The following CSMD1 variants were observed in gnomAD, a reference collection of about 807,000 sequenced individuals.
CSMD1 encodes the protein CUB and sushi domain-containing protein 1.
In CSMD1, 213 loss-of-function variants were observed where a neutral mutation model predicts 417.5. The observed-to-expected ratio is 0.51, with a 90% CI of 0.46 to 0.57. The LOEUF (loss-of-function observed/expected upper bound fraction) is 0.57, where lower values mean the gene tolerates loss of function less well. CSMD1 is among the 20% of genes least tolerant of loss of function. CSMD1 has a pLI of 0.00. For missense variants in CSMD1, 6,923 were observed against 4,529.7 expected, an observed-to-expected ratio of 1.53 and a Z score of -15.17; for synonymous variants, 2,862 against 1,736.8, an observed-to-expected ratio of 1.65 and a Z score of -16.11.
intron 3 of CSMD1, among the ~76,000 whole-genome samples, chr8:4,255,800 G>C (rs1360937999): frequency 6.6e-6 from 1 of 152,140 alleles, no homozygotes; most frequent in East Asian, 1.9e-4. Flanking sequence ...CCATTCCATG[G>C]CCTCCTCTGG....
intron 26 of CSMD1, among the ~76,000 whole-genome samples, chr8:3,256,545 C>G (rs374053394): frequency 4.6e-5 from 7 of 152,072 alleles, no homozygotes; most frequent in African/African-American, 1.7e-4. Flanking sequence ...ACTAAAAAAG[C>G]TATAATCTTG....
chr8:3,143,740 TAGATG>T (rs1818659916), intron 40 of CSMD1, among the ~76,000 whole-genome samples: 1 of 152,208 alleles, frequency 6.6e-6, no homozygotes, highest in Non-Finnish European at 1.5e-5. Flanking sequence ...CTGTTTTTGA[TAGATG>T]AGAACTTTAA....
intron 5 of CSMD1, among the ~76,000 whole-genome samples, chr8:3,939,416 T>C (rs956552278): frequency 3.9e-5 from 6 of 152,142 alleles, no homozygotes; most frequent in African/African-American, 1.4e-4. Context: ...CTGGTGTGTG[T>C]ATAAACTACT....
At chr8:4,499,559 T>C (rs990106388) in intron 2 of CSMD1, among the ~76,000 whole-genome samples, 2 of 152,208 alleles carry the variant, frequency 1.3e-5, no homozygotes, top group Non-Finnish European at 1.5e-5. Context: ...CGATAACATA[T>C]AAGAGGGCAA....
At chr8:4,383,878 T>C (rs1413813863) in intron 3 of CSMD1, among the ~76,000 whole-genome samples, 2 of 152,148 alleles carry the variant, frequency 1.3e-5, no homozygotes, top group Non-Finnish European at 1.5e-5. Flanking sequence ...GAAGAAAATA[T>C]CTTAAAATAT....
chr8:3,723,234 C>T (rs4990836), intron 6 of CSMD1, among the ~76,000 whole-genome samples: 108,651 of 151,548 alleles, frequency 0.72, 39,578 homozygotes, highest in South Asian at 0.85. Context: ...CCTTGTGACC[C>T]ATCCATCAAC....
At chr8:4,406,064 T>A (rs982396330) in intron 3 of CSMD1, among the ~76,000 whole-genome samples, 2 of 152,218 alleles carry the variant, frequency 1.3e-5, no homozygotes, top group African/African-American at 4.8e-5. Context: ...CCAGCAACTT[T>A]ATTTTTGGTC....
chr8:4,467,710 T>TA (rs1800267371), intron 2 of CSMD1, among the ~76,000 whole-genome samples: 1 of 152,154 alleles, frequency 6.6e-6, no homozygotes, highest in Admixed American at 6.5e-5. Flanking sequence ...ATTATCTTTT[T>TA]AAAAAAATCT....
At chr8:4,722,379 T>C (rs1290194706) in intron 1 of CSMD1, among the ~76,000 whole-genome samples, 2 of 152,162 alleles carry the variant, frequency 1.3e-5, no homozygotes, top group Non-Finnish European at 2.9e-5. Context: ...TAACTAAATA[T>C]GGCTACTTCT....
At chr8:4,765,322 A>G (rs1812392268) in intron 1 of CSMD1, among the ~76,000 whole-genome samples, 1 of 152,184 alleles carries the variant, frequency 6.6e-6, no homozygotes, top group Non-Finnish European at 1.5e-5. Context: ...CCCTTCTGTG[A>G]CTGGGATCAT....
At chr8:4,401,347 C>A (rs544951225) in intron 3 of CSMD1, among the ~76,000 whole-genome samples, 1 of 152,140 alleles carries the variant, frequency 6.6e-6, no homozygotes, top group Non-Finnish European at 1.5e-5. Context: ...CAAACCCACA[C>A]GTATTGTTAT....
At chr8:4,977,867 G>C (rs1433067188) in intron 1 of CSMD1, among the ~76,000 whole-genome samples, 1 of 152,250 alleles carries the variant, frequency 6.6e-6, no homozygotes, top group Non-Finnish European at 1.5e-5. Context: ...AGTGGAAGAA[G>C]ACCCATCATC....
At chr8:4,338,021 A>T (rs1800270298) in intron 3 of CSMD1, among the ~76,000 whole-genome samples, 3 of 152,122 alleles carry the variant, frequency 2.0e-5, no homozygotes. Context: ...CTGAGTGGAA[A>T]TGCAAAGATT....
chr8:4,835,518 A>C (rs919207958), intron 1 of CSMD1, among the ~76,000 whole-genome samples: 14 of 152,216 alleles, frequency 9.2e-5, no homozygotes, highest in Admixed American at 9.2e-4. Context: ...AGGTACGCAA[A>C]TCCAGTGGAC....
At chr8:4,971,588 A>G (rs1810240676) in intron 1 of CSMD1, among the ~76,000 whole-genome samples, 1 of 151,892 alleles carries the variant, frequency 6.6e-6, no homozygotes, top group Non-Finnish European at 1.5e-5. Flanking sequence ...TATGTTTACC[A>G]CACATTCAAA....
At chr8:4,392,947 C>T (rs969492914) in intron 3 of CSMD1, among the ~76,000 whole-genome samples, 2 of 151,890 alleles carry the variant, frequency 1.3e-5, no homozygotes, top group East Asian at 2.0e-4. Flanking sequence ...CCAGACTGGG[C>T]AACACGGTGG....
intron 11 of CSMD1, among the ~76,000 whole-genome samples, chr8:3,471,168 C>T (rs1280154911): frequency 6.6e-6 from 1 of 152,154 alleles, no homozygotes; most frequent in East Asian, 1.9e-4. Context: ...TCTCAATAGG[C>T]ATTCGGTGTT....
At chr8:4,668,415 C>CATTATTATTATTATTATT (rs35735246) in intron 1 of CSMD1, among the ~76,000 whole-genome samples, 4 of 130,010 alleles carry the variant, frequency 3.1e-5, no homozygotes, top group South Asian at 2.7e-4. Context: ...TGATGTTTTC[C>CATTATTATTATTATTATT]ATTATTATTA....
chr8:3,553,778 A>C (rs1342119601), intron 10 of CSMD1, among the ~76,000 whole-genome samples: 1 of 152,226 alleles, frequency 6.6e-6, no homozygotes, highest in East Asian at 1.9e-4. Flanking sequence ...TTTATGTTTT[A>C]TTAAGTGAAA....
Sources: gnomAD v4.1 joint callset for allele counts (sites outside exome capture counted in the v4.1 genomes callset) on GRCh38, gnomAD v4.1.1 for gene constraint, MANE v1.5 for transcripts, NCBI Gene and HGNC (gene_info 2026-07-23, HGNC 2026-07-21) for gene names.